The following GPC6 variants were observed in gnomAD, a reference collection of about 807,000 sequenced individuals.
The protein encoded by GPC6 is glypican-6.
Under a neutral mutation model 55.2 loss-of-function variants are expected in GPC6, and 14 were observed. That is an observed-to-expected ratio of 0.25 (90% CI 0.17 to 0.40). The LOEUF (loss-of-function observed/expected upper bound fraction) is 0.40. Ranked by LOEUF, GPC6 falls within the 10% of genes least tolerant of loss-of-function variation. The probability of loss-of-function intolerance (pLI) is 1.00; values close to 1 mark genes in which losing one functional copy is unlikely to be tolerated. For missense variants in GPC6, 641 were observed against 708.5 expected (o/e 0.90, Z 1.08); for synonymous variants, 278 against 259.6 (o/e 1.07, Z -0.68).
intron 4 of GPC6, among the ~76,000 whole-genome samples, chr13:94,101,904 CTG>C (rs900837394): frequency 8.6e-5 from 13 of 151,926 alleles, no homozygotes; most frequent in African/African-American, 2.9e-4. Context: ...ATGCAAAACA[CTG>C]TGAGTTGTTT....
intron 1 of GPC6, among the ~76,000 whole-genome samples, chr13:93,466,674 T>C (rs2139321981): frequency 6.6e-6 from 1 of 152,266 alleles, no homozygotes; most frequent in Admixed American, 6.5e-5. Context: ...ATGGACAGGG[T>C]CCTTGTTTCT....
intron 3 of GPC6, among the ~76,000 whole-genome samples, chr13:94,020,160 A>G (rs377285694): frequency 2.8e-4 from 43 of 152,244 alleles, no homozygotes; most frequent in African/African-American, 1.0e-3. Context: ...ATTTATGGCT[A>G]TAAGTTTTGG....
chr13:94,365,859 G>A (rs1879265301), intron 6 of GPC6, among the ~76,000 whole-genome samples: 1 of 152,202 alleles, frequency 6.6e-6, no homozygotes, highest in South Asian at 2.1e-4. Flanking sequence ...CAGAGAAACA[G>A]ACCAGAATAC....
At chr13:94,251,649 A>G (rs538121274) in intron 4 of GPC6, among the ~76,000 whole-genome samples, 9 of 152,138 alleles carry the variant, frequency 5.9e-5, no homozygotes, top group Middle Eastern at 3.4e-3. Flanking sequence ...ACTTGTGAAA[A>G]TAACTGAAGT....
chr13:93,296,983 G>A (rs1025401702), intron 1 of GPC6, among the ~76,000 whole-genome samples: 1 of 152,166 alleles, frequency 6.6e-6, no homozygotes, highest in South Asian at 2.1e-4. Context: ...AGGAGGGATG[G>A]TTGGAAACAA....
At chr13:93,460,666 A>G (rs572698523) in intron 1 of GPC6, among the ~76,000 whole-genome samples, 1 of 152,298 alleles carries the variant, frequency 6.6e-6, no homozygotes, top group Admixed American at 6.5e-5. Context: ...CTAGACATGA[A>G]AGTGACGAGT....
intron 6 of GPC6, 153 bp downstream of exon 6, chr13:94,306,276 G>A (rs375501358): frequency 6.2e-5 from 49 of 791,192 alleles, no homozygotes; most frequent in African/African-American, 5.8e-4. Context: ...AAAAGTAATG[G>A]GATCTTTCTT....
intron 1 of GPC6, among the ~76,000 whole-genome samples, chr13:93,342,176 G>C (rs929110877): frequency 3.3e-5 from 5 of 152,060 alleles, no homozygotes; most frequent in Non-Finnish European, 7.4e-5. Flanking sequence ...GGATTGAGTT[G>C]GGCAGATTTT....
chr13:93,840,545 T>G (rs887259720), intron 3 of GPC6, among the ~76,000 whole-genome samples: 1 of 104,780 alleles, frequency 9.5e-6, no homozygotes, highest in Non-Finnish European at 1.9e-5. Flanking sequence ...ATATTTTGAT[T>G]GATTTTGTTG....
intron 3 of GPC6, among the ~76,000 whole-genome samples, chr13:93,932,973 C>CTTTTT (rs59362571): frequency 2.0e-5 from 2 of 102,380 alleles, no homozygotes; most frequent in Admixed American, 1.0e-4. Context: ...TTGTTTTGTT[C>CTTTTT]TTTTTTTTTT....
chr13:93,601,759 C>T (rs1312703898), intron 2 of GPC6, among the ~76,000 whole-genome samples: 1 of 152,194 alleles, frequency 6.6e-6, no homozygotes, highest in African/African-American at 2.4e-5. Flanking sequence ...TATTTGTACA[C>T]ATATGTATCT....
At chr13:94,230,769 A>G (rs1448511781) in intron 4 of GPC6, among the ~76,000 whole-genome samples, 1 of 152,172 alleles carries the variant, frequency 6.6e-6, no homozygotes, top group African/African-American at 2.4e-5. Flanking sequence ...GCAGATAATA[A>G]ATATTATTTT....
At chr13:93,859,032 C>G (rs1175760508) in intron 3 of GPC6, among the ~76,000 whole-genome samples, 1 of 151,486 alleles carries the variant, frequency 6.6e-6, no homozygotes, top group African/African-American at 2.4e-5. Flanking sequence ...CTAATGAACA[C>G]TTCATTAACT....
intron 1 of GPC6, among the ~76,000 whole-genome samples, chr13:93,503,842 G>T (rs1038653854): frequency 2.0e-5 from 3 of 152,072 alleles, no homozygotes; most frequent in African/African-American, 7.2e-5. Context: ...TTACAGAGAG[G>T]TTGTGACATT....
intron 1 of GPC6, among the ~76,000 whole-genome samples, chr13:93,334,079 A>G (rs1879956752): frequency 6.6e-6 from 1 of 152,050 alleles, no homozygotes; most frequent in Non-Finnish European, 1.5e-5. Context: ...GTCAAGATCC[A>G]TTTTCATTTA....
intron 4 of GPC6, among the ~76,000 whole-genome samples, chr13:94,265,029 G>T (rs559383230): frequency 6.6e-6 from 1 of 152,174 alleles, no homozygotes; most frequent in Non-Finnish European, 1.5e-5. Context: ...CCCACAACAC[G>T]TGGGAATTAT....
chr13:93,484,227 T>G (rs1424213640), intron 1 of GPC6, among the ~76,000 whole-genome samples: 1 of 152,168 alleles, frequency 6.6e-6, no homozygotes, highest in Non-Finnish European at 1.5e-5. Context: ...ATCATCCTTG[T>G]TTTAATAACA....
At chr13:93,618,231 G>A (rs908487705) in intron 2 of GPC6, among the ~76,000 whole-genome samples, 1 of 151,938 alleles carries the variant, frequency 6.6e-6, no homozygotes, top group African/African-American at 2.4e-5. Flanking sequence ...GTATATTTAT[G>A]TATGTATGTG....
intron 1 of GPC6, among the ~76,000 whole-genome samples, chr13:93,490,973 T>A (rs1205167612): frequency 1.2e-4 from 9 of 73,056 alleles, no homozygotes; most frequent in African/African-American, 4.6e-4. Context: ...AATGCCGCAA[T>A]AAACATATGT....
Sources: allele counts gnomAD v4.1 joint callset (sites outside exome capture counted in the v4.1 genomes callset), GRCh38; gene constraint gnomAD v4.1.1; transcripts MANE v1.5; gene names NCBI Gene and HGNC (gene_info 2026-07-23, HGNC 2026-07-21).